PCDH15: variants seen among roughly 807,000 people sequenced by gnomAD.
PCDH15 encodes the protein protocadherin related 15.
PCDH15 carries 129 observed loss-of-function variants against 178.5 expected under a neutral mutation model. The ratio of observed to expected loss-of-function variants is 0.72; its 90% CI spans 0.63 to 0.84. The LOEUF is 0.84. Among genes scored for constraint, PCDH15 ranks in the 40% least tolerant of loss-of-function variants. The pLI, the probability that PCDH15 is intolerant of heterozygous loss-of-function variation, is 0.00. For missense variants in PCDH15, 2,230 were observed against 2,099.9 expected (o/e 1.06, Z -1.21); for synonymous variants, 800 against 732.0 (o/e 1.09, Z -1.50).
At chr10:54,752,287 T>C (rs1591443748) in intron 1 of PCDH15, among the ~76,000 whole-genome samples, 1 of 151,006 alleles carries the variant, frequency 6.6e-6, no homozygotes, top group East Asian at 1.9e-4. Context: ...CCATCCTGGC[T>C]AACATGGTGA....
At chr10:54,626,812 C>A (rs2093566707) in intron 2 of PCDH15, among the ~76,000 whole-genome samples, 1 of 152,138 alleles carries the variant, frequency 6.6e-6, no homozygotes, top group African/African-American at 2.4e-5. Context: ...TGACAGCTTG[C>A]ACAGTTCACC....
intron 2 of PCDH15, among the ~76,000 whole-genome samples, chr10:54,603,553 G>A (rs564996275): frequency 6.6e-6 from 1 of 150,886 alleles, no homozygotes; most frequent in Non-Finnish European, 1.5e-5. Context: ...CATGTCTCTC[G>A]AGGCTGTGAG....
chr10:55,298,687 TC>T (rs1306408619), intron 1 of PCDH15, among the ~76,000 whole-genome samples: 5 of 152,108 alleles, frequency 3.3e-5, no homozygotes, highest in African/African-American at 1.2e-4. Context: ...TTCAAGTGAT[TC>T]TCCTGCCTCC....
intron 2 of PCDH15, among the ~76,000 whole-genome samples, chr10:55,132,882 A>C (rs560586349): frequency 6.6e-6 from 1 of 152,212 alleles, no homozygotes; most frequent in Non-Finnish European, 1.5e-5. Flanking sequence ...CGAGAAATTT[A>C]AGGACGCTTT....
intron 2 of PCDH15, among the ~76,000 whole-genome samples, chr10:55,326,058 AG>A (rs1844023512): frequency 6.6e-6 from 1 of 152,196 alleles, no homozygotes; most frequent in African/African-American, 2.4e-5. Context: ...CACATGAGTC[AG>A]TATAGTTATT....
chr10:55,065,820 A>T (rs1213374532), intron 2 of PCDH15, among the ~76,000 whole-genome samples: 2 of 152,010 alleles, frequency 1.3e-5, no homozygotes, highest in African/African-American at 4.8e-5. Context: ...TCTCCTTCTT[A>T]AACTTTAAAG....
intron 13 of PCDH15, among the ~76,000 whole-genome samples, chr10:54,182,213 C>T (rs1047373750): frequency 6.6e-6 from 1 of 152,156 alleles, no homozygotes; most frequent in Admixed American, 6.5e-5. Flanking sequence ...GCAATCCGCT[C>T]GCCTCGGCCT....
chr10:54,880,620 G>T (rs1954245204), intron 3 of PCDH15, among the ~76,000 whole-genome samples: 1 of 151,368 alleles, frequency 6.6e-6, no homozygotes. Flanking sequence ...AAAAAAACTT[G>T]TTCAAAATAA....
At chr10:55,178,383 G>T (rs1839553080) in intron 1 of PCDH15, among the ~76,000 whole-genome samples, 1 of 152,078 alleles carries the variant, frequency 6.6e-6, no homozygotes, top group Non-Finnish European at 1.5e-5. Flanking sequence ...CACCTCTTGG[G>T]AATACACCTT....
chr10:54,442,547 T>C (rs1378830513), intron 3 of PCDH15, among the ~76,000 whole-genome samples: 1 of 146,562 alleles, frequency 6.8e-6, no homozygotes, highest in East Asian at 2.0e-4. Context: ...AAGGCAATTA[T>C]TTACATAATT....
At chr10:55,354,748 T>G (rs1378034334) in intron 2 of PCDH15, among the ~76,000 whole-genome samples, 1 of 152,058 alleles carries the variant, frequency 6.6e-6, no homozygotes, top group Non-Finnish European at 1.5e-5. Context: ...TAATTTTAAT[T>G]TTTAAATTAA....
At chr10:55,179,522 T>G (rs1839584390) in intron 1 of PCDH15, among the ~76,000 whole-genome samples, 1 of 151,704 alleles carries the variant, frequency 6.6e-6, no homozygotes, top group Non-Finnish European at 1.5e-5. Context: ...TTTCCAAGCC[T>G]GCTCATGGAC....
rs546549161 is a variant in PCDH15, at chr10:55,425,546, A to G, written c.-156+202079T>C. On this transcript the variant is annotated intron_variant, in intron 2 of 5. Transcript: ENST00000613346. ...GAAATCATATAACAATTTTCCACAA[A>G]TTCTCAAGTGTATTTCTTTCATTTT... Among the ~76,000 whole-genome samples, 319 of 152,226 alleles carry G rather than the reference A, an allele frequency of 2.1e-3. 3 individuals carry two copies. Among genetic ancestry groups the G allele is most frequent in the African/African-American group, 7.3e-3 (305 of 41,554 alleles).
intron 2 of PCDH15, among the ~76,000 whole-genome samples, chr10:55,485,400 A>G (rs548680860): frequency 3.6e-3 from 552 of 151,836 alleles, no homozygotes; most frequent in Non-Finnish European, 6.1e-3. Flanking sequence ...TCAGGCATAA[A>G]TGGGTTAAAA....
intron 2 of PCDH15, among the ~76,000 whole-genome samples, chr10:54,532,552 AT>A: frequency 6.6e-6 from 1 of 152,224 alleles, no homozygotes; most frequent in Admixed American, 6.5e-5. Flanking sequence ...CACAGGGCAG[AT>A]TTTCCTGGCA....
intron 3 of PCDH15, among the ~76,000 whole-genome samples, chr10:54,418,660 TGTA>T (rs1343394337): frequency 1.9e-4 from 29 of 151,880 alleles, no homozygotes; most frequent in African/African-American, 6.8e-4. Flanking sequence ...AAAATCTAAC[TGTA>T]CTTAATAGCT....
intron 26 of PCDH15, among the ~76,000 whole-genome samples, chr10:53,875,437 T>A (rs1264399790): frequency 6.6e-6 from 1 of 152,042 alleles, no homozygotes; most frequent in East Asian, 1.9e-4. Context: ...TGACTCACTG[T>A]GGAAACGCTA....
intron 11 of PCDH15, among the ~76,000 whole-genome samples, chr10:54,194,751 C>T (rs1261534689): frequency 2.1e-5 from 3 of 143,170 alleles, no homozygotes; most frequent in South Asian, 2.2e-4. Context: ...TATATATATA[C>T]ACAAAACATA....
chr10:55,227,615 G>C lies in PCDH15; in HGVS notation c.-155-60964C>G, dbSNP rs1265462449. Among the ~76,000 whole-genome samples the C allele has an allele frequency of 3.9e-5, 6 of 152,060 alleles. 1 individual carries two copies. Among genetic ancestry groups the C allele is most frequent in the African/African-American group, 1.2e-4 (5 of 41,370 alleles). On this transcript the variant is annotated intron_variant, in intron 1 of 5. Coordinates refer to the PCDH15 transcript ENST00000458638. Reference sequence around the variant, plus strand: ...TACAGAGTTTTAATACAAATGTAAGGCTTAAGTCATAAGAGGTCTATTGAG... The same window carrying C: ...TACAGAGTTTTAATACAAATGTAAGCCTTAAGTCATAAGAGGTCTATTGAG...
Sources: allele counts gnomAD v4.1 joint callset (sites outside exome capture counted in the v4.1 genomes callset), GRCh38; gene constraint gnomAD v4.1.1; transcripts MANE v1.5; gene names NCBI Gene and HGNC (gene_info 2026-07-23, HGNC 2026-07-21).